FOXK2: variants seen among roughly 807,000 people sequenced by gnomAD.
FOXK2 encodes the protein forkhead box K2, also known as forkhead box protein K2.
Under a neutral mutation model 53.3 loss-of-function variants are expected in FOXK2, and 24 were observed. That is an observed-to-expected ratio of 0.45 (90% CI 0.33 to 0.63). FOXK2 has a LOEUF of 0.63. FOXK2 is among the 30% of genes least tolerant of loss of function. The probability of loss-of-function intolerance (pLI) is 0.03; values close to 1 mark genes in which losing one functional copy is unlikely to be tolerated. For synonymous variants in FOXK2, 505 were observed against 407.1 expected (o/e 1.24, Z -2.89); for missense variants, 952 against 910.5 (o/e 1.05, Z -0.59).
chr17:82,579,142 A>C (rs1449835585), intron 4 of FOXK2, among the ~76,000 whole-genome samples: 1 of 152,054 alleles, frequency 6.6e-6, no homozygotes, highest in African/African-American at 2.4e-5. Context: ...TGGGATTGCC[A>C]TTTGCACTGC....
At chr17:82,577,291 G>A (rs1003027471) in intron 4 of FOXK2, 21 of 1,197,288 alleles carry the variant, frequency 1.8e-5, no homozygotes, top group South Asian at 3.7e-5. Flanking sequence ...ACTGGAACTC[G>A]TTATCCATGA....
rs1042894010 is a variant in FOXK2 at position 82,577,273 on chromosome 17, C to G, written c.909+5403C>G. On this transcript the variant is annotated intron_variant, in intron 4 of 8. Transcript: ENST00000335255. ...GGTAGTACTTGTCCATGTAATTTCT[C>G]TGTAATAACTGGAACTCGTTATCCA... 10 of 1,280,888 alleles carry G rather than the reference C, an allele frequency of 7.8e-6. No individual in the cohort carries two copies. In the Admixed American group the frequency reaches 1.4e-4, roughly 19 times the overall value. 79.3% of individuals were successfully genotyped at this position (1,280,888 alleles called of 1,614,324 possible). A position where few individuals can be genotyped will look rare whatever the true frequency, so the allele number is the denominator to read the frequency against.
intron 3 of FOXK2, among the ~76,000 whole-genome samples, chr17:82,569,960 G>T (rs1055837150): frequency 6.7e-6 from 1 of 148,512 alleles, no homozygotes; most frequent in South Asian, 2.2e-4. Context: ...AGTGGCTCAC[G>T]CCTGTAATCC....
chr17:82,560,541 G>C (rs1444065922), intron 1 of FOXK2, among the ~76,000 whole-genome samples: 1 of 152,220 alleles, frequency 6.6e-6, no homozygotes, highest in Admixed American at 6.5e-5. Flanking sequence ...GCATTTTGCT[G>C]TCTTTTGTTT....
intron 1 of FOXK2, among the ~76,000 whole-genome samples, chr17:82,525,771 C>T (rs953718216): frequency 5.3e-5 from 8 of 152,176 alleles, no homozygotes; most frequent in African/African-American, 9.7e-5. Context: ...AACTATTTAA[C>T]GTGCTAAATT....
chr17:82,536,439 G>A (rs997356335), intron 1 of FOXK2, among the ~76,000 whole-genome samples: 6 of 152,162 alleles, frequency 3.9e-5, no homozygotes, highest in Non-Finnish European at 7.4e-5. Context: ...GCTTGCCAAA[G>A]GATATAGGGG....
intron 4 of FOXK2, among the ~76,000 whole-genome samples, chr17:82,574,023 A>AC (rs1371668586): frequency 6.6e-6 from 1 of 152,040 alleles, no homozygotes; most frequent in Admixed American, 6.6e-5. Flanking sequence ...ACCCCACGGG[A>AC]CCCCTCATGC....
At chr17:82,594,969 G>A (rs780783221) in intron 8 of FOXK2, among the ~76,000 whole-genome samples, 29 of 152,180 alleles carry the variant, frequency 1.9e-4, no homozygotes, top group Non-Finnish European at 3.4e-4. Flanking sequence ...GAGCCAGGGA[G>A]GTTGAGGCTG....
At chr17:82,541,444 T>C (rs1044541659) in intron 1 of FOXK2, among the ~76,000 whole-genome samples, 8 of 151,996 alleles carry the variant, frequency 5.3e-5, no homozygotes, top group Non-Finnish European at 1.2e-4. Flanking sequence ...GGCTAATTTT[T>C]GTATTTTTAG....
chr17:82,600,260 C>T (rs1418801000), intron 8 of FOXK2: 2 of 152,264 alleles, frequency 1.3e-5, no homozygotes, highest in African/African-American at 4.8e-5. Flanking sequence ...TGAGGGTGCC[C>T]CAGAGAAACA....
chr17:82,595,761 C>T, intron 8 of FOXK2: 1 of 1,288,908 alleles, frequency 7.8e-7, no homozygotes, highest in Non-Finnish European at 1.0e-6. Flanking sequence ...ACTTGGGGTC[C>T]TTTCCCACTC....
chr17:82,560,970 C>G (rs1240956362), intron 1 of FOXK2, among the ~76,000 whole-genome samples: 1 of 152,100 alleles, frequency 6.6e-6, no homozygotes, highest in East Asian at 1.9e-4. Flanking sequence ...AGGCTAGTCT[C>G]AAATTCCTGC....
At chr17:82,586,304 C>T (rs2045153481) in intron 7 of FOXK2, 104 bp downstream of exon 7, 1 of 115,926 alleles carries the variant, frequency 8.6e-6, no homozygotes, top group African/African-American at 1.9e-4. Context: ...CAAAGGTGGG[C>T]CGGGGGGGAA....
At chr17:82,573,335 G>A (rs965924936) in intron 4 of FOXK2, among the ~76,000 whole-genome samples, 1 of 152,086 alleles carries the variant, frequency 6.6e-6, no homozygotes, top group African/African-American at 2.4e-5. Flanking sequence ...TACCTGGAGT[G>A]TCTATACCCT....
intron 1 of FOXK2, among the ~76,000 whole-genome samples, chr17:82,543,879 C>G: frequency 6.6e-6 from 1 of 151,136 alleles, no homozygotes; most frequent in South Asian, 2.1e-4. Context: ...CGGGTTCATG[C>G]CATTCTCCTG....
chr17:82,590,124 A>C (rs1315083069), intron 8 of FOXK2, among the ~76,000 whole-genome samples: 1 of 152,068 alleles, frequency 6.6e-6, no homozygotes, highest in Non-Finnish European at 1.5e-5. Flanking sequence ...TTCATCCCCA[A>C]AGCCAGTGCC....
intron 1 of FOXK2, among the ~76,000 whole-genome samples, chr17:82,556,130 C>T (rs925563909): frequency 2.0e-5 from 3 of 151,962 alleles, no homozygotes; most frequent in Non-Finnish European, 2.9e-5. Context: ...CTCTCACTGA[C>T]GCAGTCAGAA....
In FOXK2 at chr17:82,567,800, C is replaced by T. The variant is rs933522088; in HGVS notation, c.615-254C>T. ...CTGCCTCCCCTGAGAGCTTGTGTCA[C>T]ATTTCATGAGCTGACGTTTATAGAA... On this transcript the variant is annotated intron_variant, in intron 2 of 8. Coordinates refer to ENST00000335255, the MANE Select transcript of FOXK2 (RefSeq NM_004514.4). Among the ~76,000 whole-genome samples, 5 of 152,108 alleles carry T rather than the reference C, an allele frequency of 3.3e-5. No homozygotes were observed. The East Asian group carries it at 5.8e-4, about 18-fold the overall frequency.
At chr17:82,525,506 G>A (rs1371648895) in intron 1 of FOXK2, among the ~76,000 whole-genome samples, 1 of 152,092 alleles carries the variant, frequency 6.6e-6, no homozygotes, top group African/African-American at 2.4e-5. Context: ...TTGTCCAAGG[G>A]CCTGGTCTGG....
Sources: gnomAD v4.1 joint callset for allele counts (sites outside exome capture counted in the v4.1 genomes callset) on GRCh38, gnomAD v4.1.1 for gene constraint, MANE v1.5 for transcripts, NCBI Gene and HGNC (gene_info 2026-07-23, HGNC 2026-07-21) for gene names.